TMEM114: variants seen among roughly 807,000 people sequenced by gnomAD.
The protein encoded by TMEM114 is transmembrane protein 114, also known as claudin-26.
TMEM114 carries 6 observed loss-of-function variants against 6.2 expected under a neutral mutation model. The observed-to-expected ratio is 0.97, with a 90% confidence interval of 0.53 to 1.91. TMEM114 has a LOEUF of 1.91. Ranked by LOEUF, TMEM114 falls within the 40% of genes most tolerant of loss-of-function variation. TMEM114 has a pLI of 0.01. For synonymous variants in TMEM114, 104 were observed against 73.0 expected, an observed-to-expected ratio of 1.42 and a Z score of -2.16; for missense variants, 218 against 158.3, an observed-to-expected ratio of 1.38 and a Z score of -2.02.
chr16:8,550,255 CTGGCAA>C (rs1219388611), intron 2 of TMEM114, among the ~76,000 whole-genome samples: 1 of 152,250 alleles, frequency 6.6e-6, no homozygotes, highest in African/African-American at 2.4e-5. Flanking sequence ...ATAATCTCTT[CTGGCAA>C]TAGCCAGAAA....
At chr16:8,537,862 A>G (rs1900405024) in intron 2 of TMEM114, 1 of 152,182 alleles carries the variant, frequency 6.6e-6, no homozygotes, top group Non-Finnish European at 1.5e-5. Context: ...TTGTGTACTG[A>G]TATGAACCAC....
At chr16:8,564,202 TG>T (rs1901423339) in intron 2 of TMEM114, among the ~76,000 whole-genome samples, 1 of 147,908 alleles carries the variant, frequency 6.8e-6, no homozygotes, top group Non-Finnish European at 1.5e-5. Flanking sequence ...AATGAGTGAG[TG>T]GGTGAATGAG....
intron 2 of TMEM114, among the ~76,000 whole-genome samples, chr16:8,538,165 C>T (rs1314679317): frequency 7.1e-6 from 1 of 141,836 alleles, no homozygotes; most frequent in Non-Finnish European, 1.5e-5. Flanking sequence ...CTTCGCTGGT[C>T]ATGGTGGTGC....
chr16:8,536,224 CAAAA>C, downstream of TMEM114, among the ~76,000 whole-genome samples: 1 of 107,468 alleles, frequency 9.3e-6, no homozygotes. Flanking sequence ...AACTCTGTCT[CAAAA>C]AAAAAAAAAA....
At chr16:8,562,276 A>ATGAGTGAGTGAG (rs144073898) in intron 2 of TMEM114, among the ~76,000 whole-genome samples, 6 of 129,804 alleles carry the variant, frequency 4.6e-5, no homozygotes, top group African/African-American at 1.7e-4. Context: ...GAGGGAGGGA[A>ATGAGTGAGTGAG]TGAGTGAGTG....
chr16:8,568,905 T>C (rs1464752369), downstream of TMEM114, among the ~76,000 whole-genome samples: 7 of 152,244 alleles, frequency 4.6e-5, no homozygotes, highest in African/African-American at 1.7e-4. Context: ...ACAACCCTTC[T>C]CTGTCACTTA....
chr16:8,566,404 A>G, downstream of TMEM114, among the ~76,000 whole-genome samples: 1 of 151,766 alleles, frequency 6.6e-6, no homozygotes, highest in African/African-American at 2.4e-5. Context: ...AATAGAACAG[A>G]ACAGGTCAGA....
At chr16:8,563,425 A>ATGAATGAG (rs1248799470) in intron 2 of TMEM114, among the ~76,000 whole-genome samples, 3,871 of 124,748 alleles carry the variant, frequency 0.031, 175 homozygotes, top group South Asian at 0.084. Context: ...TAGTGAGTGA[A>ATGAATGAG]TGAGTGAGGC....
At chr16:8,565,108 A>G (rs1420034120), downstream of TMEM114, among the ~76,000 whole-genome samples, 3 of 151,790 alleles carry the variant, frequency 2.0e-5, no homozygotes, top group African/African-American at 7.3e-5. Context: ...TGAGTGAATA[A>G]GTGAGTGAGT....
At chr16:8,531,222 G>A in the TMEM114 span, among the ~76,000 whole-genome samples, 2,488 of 152,226 alleles carry the variant, frequency 0.016, 61 homozygotes, top group African/African-American at 0.055. Context: ...CATGCTAATG[G>A]CCTAATTCAT....
chr16:8,562,526 T>TGAGTGAGTGAGTGAATGAGTGAGTGCGTC (rs1465142445), intron 2 of TMEM114, among the ~76,000 whole-genome samples: 1 of 127,142 alleles, frequency 7.9e-6, no homozygotes. Context: ...ATGAGTGAGT[T>TGAGTGAGTGAGTGAATGAGTGAGTGCGTC]AATGAGTGAG....
chr16:8,554,610 A>C (rs1375986853), intron 2 of TMEM114, among the ~76,000 whole-genome samples: 2 of 152,176 alleles, frequency 1.3e-5, no homozygotes, highest in Admixed American at 6.5e-5. Context: ...CTGCTGGTGC[A>C]TACTAAGTCT....
At chr16:8,551,725 C>G (rs552172108) in intron 2 of TMEM114, among the ~76,000 whole-genome samples, 2 of 152,316 alleles carry the variant, frequency 1.3e-5, no homozygotes, top group African/African-American at 4.8e-5. Context: ...AAACAATACT[C>G]TGAAATAAAA....
chr16:8,564,661 G>A (rs370145881), downstream of TMEM114, among the ~76,000 whole-genome samples: 1 of 131,666 alleles, frequency 7.6e-6, no homozygotes, highest in Non-Finnish European at 1.6e-5. Context: ...GAGTGAGTGA[G>A]GGAGGGAGGG....
chr16:8,527,738 C>T, the TMEM114 span, among the ~76,000 whole-genome samples: 1 of 152,120 alleles, frequency 6.6e-6, no homozygotes, highest in Non-Finnish European at 1.5e-5. Context: ...TCCAAAGCCA[C>T]AAGCTGCAAA....
At chr16:8,566,629 G>A (rs8047982), downstream of TMEM114, among the ~76,000 whole-genome samples, 25,768 of 151,886 alleles carry the variant, frequency 0.17, 2,441 homozygotes, top group Non-Finnish European at 0.21. Flanking sequence ...ACGGGCCATG[G>A]GCATCGCCCA....
At chr16:8,558,962 C>G (rs1009348801) in intron 2 of TMEM114, among the ~76,000 whole-genome samples, 6 of 151,716 alleles carry the variant, frequency 4.0e-5, no homozygotes, top group Non-Finnish European at 8.8e-5. Flanking sequence ...CCAGGATGGT[C>G]TCGATCTCCT....
chr16:8,588,906 A>G (rs1459378851), intron 2 of TMEM114, among the ~76,000 whole-genome samples: 3 of 152,192 alleles, frequency 2.0e-5, no homozygotes, highest in Non-Finnish European at 4.4e-5. Flanking sequence ...GCGTCTCCAC[A>G]TTTGTCCCAG....
chr16:8,587,029 G>A (rs1902343166), intron 2 of TMEM114, among the ~76,000 whole-genome samples: 1 of 152,156 alleles, frequency 6.6e-6, no homozygotes, highest in Non-Finnish European at 1.5e-5. Flanking sequence ...TGAGAATTTT[G>A]TGAGCCAGGT....
Sources: gnomAD v4.1 joint callset for allele counts (sites outside exome capture counted in the v4.1 genomes callset) on GRCh38, gnomAD v4.1.1 for gene constraint, MANE v1.5 for transcripts, NCBI Gene and HGNC (gene_info 2026-07-23, HGNC 2026-07-21) for gene names.